Variants in WWP1 observed in about 807,000 individuals in gnomAD.
The protein encoded by WWP1 is NEDD4-like E3 ubiquitin-protein ligase WWP1.
WWP1 carries 49 observed loss-of-function variants against 130.6 expected under a neutral mutation model. The observed-to-expected ratio is 0.38, with a 90% CI of 0.30 to 0.48. The LOEUF is 0.48. WWP1 is among the 20% of genes least tolerant of loss of function. The probability of loss-of-function intolerance (pLI) is 0.99; values close to 1 mark genes in which losing one functional copy is unlikely to be tolerated. For missense variants in WWP1, 809 were observed against 1,100.6 expected (o/e 0.74, Z 3.75); for synonymous variants, 332 against 367.8 (o/e 0.90, Z 1.11).
At chr8:86,425,773 A>G (rs1294584972) in intron 10 of WWP1, among the ~76,000 whole-genome samples, 2 of 152,226 alleles carry the variant, frequency 1.3e-5, no homozygotes, top group African/African-American at 4.8e-5. Flanking sequence ...CTAAAATTGT[A>G]GAAGGTTTTA....
At chr8:86,434,519 C>T (rs1810177547) in intron 14 of WWP1, among the ~76,000 whole-genome samples, 1 of 152,186 alleles carries the variant, frequency 6.6e-6, no homozygotes, top group Non-Finnish European at 1.5e-5. Context: ...CTCCTTTTAC[C>T]CTTTTGAAAA....
At chr8:86,412,271 T>C (rs1808627610) in intron 9 of WWP1, among the ~76,000 whole-genome samples, 1 of 152,202 alleles carries the variant, frequency 6.6e-6, no homozygotes, top group African/African-American at 2.4e-5. Context: ...TCAGCTAATA[T>C]TGAGTGCTGG....
chr8:86,411,487 G>T, intron 8 of WWP1, 51 bp from the exon 9 acceptor site: 1 of 1,504,396 alleles, frequency 6.6e-7, no homozygotes, highest in Non-Finnish European at 9.1e-7. Flanking sequence ...TTAGGTAATT[G>T]ATTGCTTTAT....
At chr8:86,372,038 T>TA (rs1204476201) in intron 2 of WWP1, among the ~76,000 whole-genome samples, 1 of 145,718 alleles carries the variant, frequency 6.9e-6, no homozygotes, top group African/African-American at 2.6e-5. Flanking sequence ...TTTTTTTTTT[T>TA]TTTGAGACGG....
In WWP1 at chr8:86,373,236, G is replaced by T. The variant is rs550943688; in HGVS notation, c.-21-794G>T. Among the ~76,000 whole-genome samples the T allele has an allele frequency of 2.0e-5, 3 of 151,994 alleles. No homozygotes were observed. The South Asian group carries it at 6.2e-4, about 32-fold the overall frequency. On this transcript the variant is annotated intron_variant, in intron 2 of 24. Coordinates refer to ENST00000517970, the MANE Select transcript of WWP1 (RefSeq NM_007013.4). Reference sequence around the variant, plus strand: ...TAGAACATTTTTTGAAATTTAGTGAGATTTTCATTATATTTCAGTGTATTT... The same window carrying T: ...TAGAACATTTTTTGAAATTTAGTGATATTTTCATTATATTTCAGTGTATTT...
chr8:86,380,924 G>GT (rs777380252), intron 4 of WWP1, 60 bp downstream of exon 4: 394 of 1,465,808 alleles, frequency 2.7e-4, no homozygotes, highest in Non-Finnish European at 3.4e-4. Flanking sequence ...TTTGGAATAT[G>GT]TTTTTTGTTT....
intron 9 of WWP1, among the ~76,000 whole-genome samples, chr8:86,419,562 T>C (rs2130611108): frequency 6.6e-6 from 1 of 152,326 alleles, no homozygotes; most frequent in Non-Finnish European, 1.5e-5. Context: ...GTGTGAAATT[T>C]GACTGATAAA....
chr8:86,394,198 T>C (rs940894126), intron 5 of WWP1, among the ~76,000 whole-genome samples: 2 of 152,240 alleles, frequency 1.3e-5, no homozygotes, highest in African/African-American at 4.8e-5. Flanking sequence ...TAGAAGTCTG[T>C]GAAACATGTT....
chr8:86,402,670 G>A (rs4961190), intron 8 of WWP1, among the ~76,000 whole-genome samples: 47,808 of 152,028 alleles, frequency 0.31, 9,144 homozygotes, highest in Middle Eastern at 0.45. Context: ...CTAATAATTT[G>A]TAACTTTCTG....
At chr8:86,457,801 C>T (rs1263116732) in intron 21 of WWP1, 120 bp from the exon 22 acceptor site, 1 of 733,012 alleles carries the variant, frequency 1.4e-6, no homozygotes, top group East Asian at 2.7e-5. Flanking sequence ...TCATTATATG[C>T]CATGCATATA....
chr8:86,371,040 ATTTTTTT>A (rs34031275), intron 2 of WWP1, among the ~76,000 whole-genome samples: 1 of 96,930 alleles, frequency 1.0e-5, no homozygotes, highest in Non-Finnish European at 2.2e-5. Context: ...TAATTTTTGT[ATTTTTTT>A]TTTTTTTTTT....
chr8:86,404,396 T>C (rs1231230012), intron 8 of WWP1, among the ~76,000 whole-genome samples: 1 of 152,192 alleles, frequency 6.6e-6, no homozygotes, highest in Non-Finnish European at 1.5e-5. Context: ...GATGTTGATA[T>C]AAAAAGGAGA....
chr8:86,356,123 T>A (rs926393450), intron 1 of WWP1, among the ~76,000 whole-genome samples: 2 of 150,808 alleles, frequency 1.3e-5, no homozygotes, highest in African/African-American at 4.9e-5. Flanking sequence ...TGTTTGCTGC[T>A]GTTGTTATAT....
chr8:86,427,644 T>C lies in WWP1; in HGVS notation c.1159T>C (p.Trp387Arg). Reference protein sequence around the residue: ...WERPQPLPPGWERRVDDRRRV... With the variant: ...WERPQPLPPGRERRVDDRRRV... ...TTTATTATTGTTTACTTGTGGTAGT[T>C]GGGAAAGAAGAGTTGATGATCGTAG... Residue 387 changes from tryptophan (W) to arginine (R), a missense_variant and splice_region_variant, in exon 11 of 25, where the codon TGG becomes CGG. By Grantham distance (101) the Trp-to-Arg change is moderately radical (BLOSUM62 -3). Around this residue, in one of 3 missense-constraint regions of WWP1, gnomAD observed 450 missense variants for 674.2 expected, o/e 0.67. Transcript: ENST00000517970. The C allele has an allele frequency of 6.2e-7, 1 of 1,600,302 alleles. No individual in the cohort carries two copies. The highest frequency in any genetic ancestry group is 8.5e-7 in the Non-Finnish European group (1 of 1,171,294).
chr8:86,418,287 A>G (rs1809001314), intron 9 of WWP1, among the ~76,000 whole-genome samples: 1 of 152,216 alleles, frequency 6.6e-6, no homozygotes, highest in African/African-American at 2.4e-5. Context: ...CGTATGGTCT[A>G]ATATATAGGT....
intron 5 of WWP1, among the ~76,000 whole-genome samples, chr8:86,392,120 C>G (rs756537722): frequency 3.3e-5 from 5 of 152,080 alleles, no homozygotes; most frequent in Admixed American, 3.3e-4. Flanking sequence ...GGTGCTTGCT[C>G]AAGTCTTTTA....
intron 5 of WWP1, among the ~76,000 whole-genome samples, chr8:86,394,344 T>G (rs1321454084): frequency 6.6e-6 from 1 of 152,218 alleles, no homozygotes; most frequent in African/African-American, 2.4e-5. Flanking sequence ...AATCAGCTTC[T>G]GCCTTACAAG....
At chr8:86,412,433 A>G (rs1318366435) in intron 9 of WWP1, among the ~76,000 whole-genome samples, 1 of 152,180 alleles carries the variant, frequency 6.6e-6, no homozygotes, top group Non-Finnish European at 1.5e-5. Context: ...TCCATTCGGT[A>G]ATTTCTTTGA....
At chr8:86,437,998 C>T (rs1010176548) in intron 16 of WWP1, among the ~76,000 whole-genome samples, 4 of 152,102 alleles carry the variant, frequency 2.6e-5, no homozygotes, top group Non-Finnish European at 4.4e-5. Flanking sequence ...GACGGGGTTT[C>T]ACCATGTTAG....
Sources: allele counts gnomAD v4.1 joint callset (sites outside exome capture counted in the v4.1 genomes callset), GRCh38; gene constraint gnomAD v4.1.1; regional missense constraint gnomAD v4.1.1; transcripts MANE v1.5; gene names NCBI Gene and HGNC (gene_info 2026-07-23, HGNC 2026-07-21).